The following ENOX1 variants were observed in gnomAD, a reference collection of about 807,000 sequenced individuals.
ENOX1 encodes the protein candidate growth-related and time keeping constitutive hydroquinone (NADH) oxidase.
ENOX1 carries 42 observed loss-of-function variants against 82.5 expected under a neutral mutation model. The ratio of observed to expected loss-of-function variants is 0.51; its 90% CI spans 0.40 to 0.66. The LOEUF (loss-of-function observed/expected upper bound fraction) is 0.66. ENOX1 is among the 30% of genes least tolerant of loss of function. The pLI is 0.00. For synonymous variants in ENOX1, 271 were observed against 282.2 expected, an observed-to-expected ratio of 0.96 and a Z score of 0.40; for missense variants, 608 against 811.6, an observed-to-expected ratio of 0.75 and a Z score of 3.05.
At chr13:43,512,715 C>T (rs1157903555) in intron 2 of ENOX1, among the ~76,000 whole-genome samples, 1 of 150,638 alleles carries the variant, frequency 6.6e-6, no homozygotes, top group Non-Finnish European at 1.5e-5. Context: ...TGCTGCCTAT[C>T]ACTTGCATTT....
At chr13:43,273,790 A>G (rs1227358512) in intron 12 of ENOX1, among the ~76,000 whole-genome samples, 1 of 152,216 alleles carries the variant, frequency 6.6e-6, no homozygotes, top group East Asian at 1.9e-4. Context: ...AAGCAAAGTT[A>G]GTTCATCTAT....
rs116945834 is a variant in ENOX1, at chr13:43,325,058, G to A, written c.1143+1361C>T. ...AATCATAGTTTATGGACTCCAATTT[G>A]TGTTTTCATAACCCTCAGTTTGTCT... On this transcript the variant is annotated intron_variant, in intron 10 of 16. Transcript: ENST00000690772. Among the ~76,000 whole-genome samples, 267 of 152,130 alleles carry A rather than the reference G, an allele frequency of 1.8e-3. 11 individuals carry two copies. In the South Asian group the frequency reaches 0.048, roughly 27 times the overall value.
At chr13:43,393,324 C>T (rs2052917431) in intron 5 of ENOX1, among the ~76,000 whole-genome samples, 1 of 152,082 alleles carries the variant, frequency 6.6e-6, no homozygotes, top group Non-Finnish European at 1.5e-5. Context: ...TTAATTTCTT[C>T]TTTTCAAATT....
chr13:43,296,857 T>C (rs1254004848), intron 12 of ENOX1, among the ~76,000 whole-genome samples: 1 of 152,210 alleles, frequency 6.6e-6, no homozygotes, highest in Non-Finnish European at 1.5e-5. Flanking sequence ...AAGTGTGACA[T>C]AGTGGCTTTT....
chr13:43,372,617 C>T (rs2051317642), intron 5 of ENOX1, among the ~76,000 whole-genome samples: 1 of 152,110 alleles, frequency 6.6e-6, no homozygotes, highest in Non-Finnish European at 1.5e-5. Flanking sequence ...AACTGAAAGG[C>T]AAGCTAACCA....
chr13:43,749,692 T>C (rs906952049), intron 1 of ENOX1, among the ~76,000 whole-genome samples: 1 of 152,158 alleles, frequency 6.6e-6, no homozygotes, highest in Non-Finnish European at 1.5e-5. Context: ...GTACTGAGAG[T>C]AACAGTAAAA....
At position 43,413,130 on chromosome 13, in the gene ENOX1, C is replaced by T. The variant is rs146021186; in HGVS notation, c.-74-142G>A. 209 of 837,930 alleles carry T rather than the reference C, an allele frequency of 2.5e-4. 1 individual carries two copies. The East Asian group carries it at 6.5e-3, about 26-fold the overall frequency. 51.9% of individuals were successfully genotyped at this position (837,930 alleles called of 1,614,324 possible). On this transcript the variant is annotated intron_variant, in intron 3 of 16. Coordinates refer to ENST00000690772, the MANE Select transcript of ENOX1 (RefSeq NM_001347969.2). ...GCACAGAAGAAATGCTGCTTCCCAT[C>T]GCTCAGCGGCTGTCTTGTGGCTCAG...
chr13:43,472,105 T>C (rs1353325312), intron 3 of ENOX1, among the ~76,000 whole-genome samples: 2 of 152,026 alleles, frequency 1.3e-5, no homozygotes, highest in Admixed American at 6.5e-5. Flanking sequence ...CTAAGCATAA[T>C]TTCCTCATTT....
chr13:43,583,039 T>C (rs567138159), intron 2 of ENOX1, among the ~76,000 whole-genome samples: 1 of 152,172 alleles, frequency 6.6e-6, no homozygotes, highest in African/African-American at 2.4e-5. Context: ...ACAGCCTAGA[T>C]GGTTTCATAG....
intron 2 of ENOX1, among the ~76,000 whole-genome samples, chr13:43,516,271 C>G (rs531721608): frequency 6.6e-6 from 1 of 152,242 alleles, no homozygotes; most frequent in African/African-American, 2.4e-5. Flanking sequence ...AACTGGAGAT[C>G]AATCCAGTAT....
chr13:43,780,406 T>C (rs1009803837), intron 1 of ENOX1, among the ~76,000 whole-genome samples: 1 of 152,272 alleles, frequency 6.6e-6, no homozygotes. Context: ...ACCTAATATA[T>C]GCAAGACACT....
At chr13:43,529,164 G>T (rs547098561) in intron 2 of ENOX1, among the ~76,000 whole-genome samples, 87 of 151,876 alleles carry the variant, frequency 5.7e-4, no homozygotes, top group Non-Finnish European at 9.0e-4. Context: ...AAGTATTATT[G>T]CATGCTGTTC....
At chr13:43,578,194 C>T (rs1366601724) in intron 2 of ENOX1, among the ~76,000 whole-genome samples, 3 of 152,002 alleles carry the variant, frequency 2.0e-5, no homozygotes, top group Non-Finnish European at 2.9e-5. Context: ...GGGAAGAAAA[C>T]CAAGAGGTCA....
At chr13:43,373,929 CCA>C (rs900916551) in intron 5 of ENOX1, among the ~76,000 whole-genome samples, 2 of 152,290 alleles carry the variant, frequency 1.3e-5, no homozygotes, top group African/African-American at 4.8e-5. Context: ...ATGTTTTTCT[CCA>C]CAGTGTTGAT....
chr13:43,364,460 G>C (rs1189720646), intron 5 of ENOX1, among the ~76,000 whole-genome samples: 2 of 152,180 alleles, frequency 1.3e-5, no homozygotes, highest in African/African-American at 4.8e-5. Flanking sequence ...GCTCCTCTCT[G>C]TGTTGCCGGC....
intron 2 of ENOX1, among the ~76,000 whole-genome samples, chr13:43,579,156 C>A (rs951886964): frequency 6.6e-6 from 1 of 151,972 alleles, no homozygotes; most frequent in Non-Finnish European, 1.5e-5. Flanking sequence ...TGTCTGGGAC[C>A]TACTAAGCAC....
intron 2 of ENOX1, among the ~76,000 whole-genome samples, chr13:43,499,301 G>A (rs2076897711): frequency 6.6e-6 from 1 of 151,952 alleles, no homozygotes; most frequent in African/African-American, 2.4e-5. Flanking sequence ...GTAAAGTATA[G>A]ACTATAGTTA....
intron 1 of ENOX1, among the ~76,000 whole-genome samples, chr13:43,706,028 C>A (rs1373239400): frequency 6.6e-6 from 1 of 151,824 alleles, no homozygotes; most frequent in Non-Finnish European, 1.5e-5. Flanking sequence ...TACCAGGCCT[C>A]TCAGAATATT....
intron 2 of ENOX1, among the ~76,000 whole-genome samples, chr13:43,602,832 T>C (rs1302341027): frequency 6.6e-6 from 1 of 151,944 alleles, no homozygotes; most frequent in Non-Finnish European, 1.5e-5. Context: ...GTGCACAGGA[T>C]TGGAATAATA....
Sources: gnomAD v4.1 joint callset for allele counts (sites outside exome capture counted in the v4.1 genomes callset) on GRCh38, gnomAD v4.1.1 for gene constraint, MANE v1.5 for transcripts, NCBI Gene and HGNC (gene_info 2026-07-23, HGNC 2026-07-21) for gene names.